Variants in ZNF800 observed in about 807,000 individuals in gnomAD.
ZNF800 encodes the protein zinc finger protein 800.
ZNF800 carries 13 observed loss-of-function variants against 59.5 expected under a neutral mutation model. The observed-to-expected ratio is 0.22, with a 90% CI of 0.14 to 0.35. The LOEUF (loss-of-function observed/expected upper bound fraction) is 0.35. Ranked by LOEUF, ZNF800 falls within the 10% of genes least tolerant of loss-of-function variation. The pLI is 1.00. For synonymous variants in ZNF800, 266 were observed against 265.7 expected (o/e 1.00, Z -0.01); for missense variants, 621 against 783.7 (o/e 0.79, Z 2.48).
rs17869381 is a variant in ZNF800 at position 127,375,620 on chromosome 7, T to C, written c.302-586A>G. Reference sequence around the variant, plus strand: ...CTAAACTCAGTCCTATTACATGTCTTCTTAACATGACACAATTTTACTAAA... The same window carrying C: ...CTAAACTCAGTCCTATTACATGTCTCCTTAACATGACACAATTTTACTAAA... On this transcript the variant is annotated intron_variant, in intron 4 of 5. Transcript: ENST00000265827. Among the ~76,000 whole-genome samples, 636 of 152,206 alleles carry C rather than the reference T, an allele frequency of 4.2e-3. 5 individuals are homozygous for C. The highest frequency in any genetic ancestry group is 0.015 in the African/African-American group (607 of 41,566).
intron 1 of ZNF800, among the ~76,000 whole-genome samples, chr7:127,354,058 T>C (rs1414482851): frequency 6.6e-6 from 1 of 152,180 alleles, no homozygotes; most frequent in Admixed American, 6.5e-5. Flanking sequence ...TGCTTCTCAC[T>C]GGCCTTGAGA....
At chr7:127,357,544 A>C (rs1227382962) in intron 1 of ZNF800, among the ~76,000 whole-genome samples, 1 of 152,064 alleles carries the variant, frequency 6.6e-6, no homozygotes, top group Non-Finnish European at 1.5e-5. Context: ...TGCCTAGATC[A>C]GAGGCATGGG....
rs755404184 is a variant in ZNF800 at position 127,374,120 on chromosome 7, T to C, written c.1216A>G (p.Ile406Val). The C allele has an allele frequency of 1.2e-6, 2 of 1,613,892 alleles. No individual in the cohort carries two copies. The highest frequency in any genetic ancestry group is 1.7e-6 in the Non-Finnish European group (2 of 1,179,962). ...GPNNTANSSE[I>V]KVKVEPADSV... ...TCTGCTGGTTCAACTTTAACTTTTA[T>C]TTCTGAACTGTTGGCAGTATTATTA... Residue 406 changes from isoleucine (I) to valine (V), a missense_variant, in exon 5 of 6, where the codon ATA (isoleucine) becomes GTA (valine). This residue lies in a region of ZNF800 where 185 missense variants were observed against 177.6 expected (regional missense o/e 1.04). Transcript: ENST00000265827.
downstream of ZNF800, among the ~76,000 whole-genome samples, chr7:127,345,684 G>A (rs1300445577): frequency 6.6e-6 from 1 of 152,234 alleles, no homozygotes; most frequent in Non-Finnish European, 1.5e-5. Context: ...GCAAGGCTAT[G>A]TGAGCCATGG....
At chr7:127,372,241 G>A (rs1460970210) in intron 5 of ZNF800, among the ~76,000 whole-genome samples, 2 of 152,082 alleles carry the variant, frequency 1.3e-5, no homozygotes, top group Non-Finnish European at 2.9e-5. Context: ...CACTTTGGGA[G>A]GCCGAGGTGG....
At chr7:127,362,911 T>G (rs184845528) in intron 1 of ZNF800, 1 of 152,110 alleles carries the variant, frequency 6.6e-6, no homozygotes, top group Non-Finnish European at 1.5e-5. Flanking sequence ...AAGAGACTAC[T>G]GCAATAGTGA....
chr7:127,366,981 G>A (rs1800521917), downstream of ZNF800, among the ~76,000 whole-genome samples: 1 of 152,156 alleles, frequency 6.6e-6, no homozygotes, highest in Admixed American at 6.6e-5. Flanking sequence ...GCAGAGGGTG[G>A]AACGAGGCAG....
chr7:127,366,367 CA>C (rs1800507318), downstream of ZNF800, among the ~76,000 whole-genome samples: 1 of 152,094 alleles, frequency 6.6e-6, no homozygotes, highest in African/African-American at 2.4e-5. Flanking sequence ...TCAAACTATG[CA>C]GCATAATTGT....
At chr7:127,354,670 T>C (rs1160246057) in intron 1 of ZNF800, among the ~76,000 whole-genome samples, 1 of 152,094 alleles carries the variant, frequency 6.6e-6, no homozygotes, top group Non-Finnish European at 1.5e-5. Context: ...CCTTTCACAG[T>C]ATACCTTTTT....
downstream of ZNF800, among the ~76,000 whole-genome samples, chr7:127,344,861 T>C (rs988414450): frequency 6.6e-6 from 1 of 151,970 alleles, no homozygotes; most frequent in Non-Finnish European, 1.5e-5. Context: ...GGAGTAAAAA[T>C]TCAAATCTGA....
chr7:127,379,870 C>CACAGAGAG lies in ZNF800; in HGVS notation c.158-2542_158-2541insCTCTCTGT, dbSNP rs1434431281. On this transcript the variant is annotated intron_variant, in intron 3 of 5. Coordinates refer to ENST00000265827, the MANE Select transcript of ZNF800 (RefSeq NM_176814.5). Reference sequence around the variant, plus strand: ...CCCCCCCACCCCCCCCACACACACACAGAGAGAGAGAGAGAGAGAGAGGGA... The same window carrying CACAGAGAG: ...CCCCCCCACCCCCCCCACACACACACACAGAGAGAGAGAGAGAGAGAGAGAGAGAGGGA... Among the ~76,000 whole-genome samples the CACAGAGAG allele has an allele frequency of 4.3e-4, 36 of 83,886 alleles. 1 individual carries two copies. The highest frequency in any genetic ancestry group is 2.1e-3 in the African/African-American group (36 of 16,838). The allele number at this position is 83,886 out of a possible 152,430, so 55.0% of individuals were successfully genotyped here. A position where few individuals can be genotyped will look rare whatever the true frequency, so the allele number is the denominator to read the frequency against.
At chr7:127,384,820 A>C (rs1480721324) in intron 3 of ZNF800, among the ~76,000 whole-genome samples, 1 of 152,292 alleles carries the variant, frequency 6.6e-6, no homozygotes, top group South Asian at 2.1e-4. Context: ...TCACAAGAAA[A>C]TTTGACCTAT....
chr7:127,345,711 T>C (rs1369153273), downstream of ZNF800, among the ~76,000 whole-genome samples: 1 of 152,152 alleles, frequency 6.6e-6, no homozygotes, highest in African/African-American at 2.4e-5. Context: ...GGTTTAGATT[T>C]TATCCTAAAA....
At position 127,392,330 on chromosome 7, in the gene ZNF800, G is replaced by A; in HGVS notation, c.-329C>T. 2 of 381,498 alleles carry A rather than the reference G, an allele frequency of 5.2e-6. No homozygotes were observed. Among genetic ancestry groups the A allele is most frequent in the Admixed American group, 4.5e-5 (1 of 22,122 alleles). The allele number at this position is 381,498 out of a possible 1,614,324, so 23.6% of individuals were successfully genotyped here. ...TCCTCCGCGCTGTGTGGCTAGGCGG[G>A]AGGCGCGCGGGCGGAGGCAGTTGAC... On this transcript the variant is annotated 5_prime_UTR_variant, in exon 1 of 6. Coordinates refer to ENST00000265827, the MANE Select transcript of ZNF800 (RefSeq NM_176814.5).
At chr7:127,384,058 T>C (rs1801055040) in intron 3 of ZNF800, among the ~76,000 whole-genome samples, 1 of 151,884 alleles carries the variant, frequency 6.6e-6, no homozygotes, top group African/African-American at 2.4e-5. Flanking sequence ...GATCACAACA[T>C]AATAAGAAAA....
In ZNF800 at chr7:127,377,413, C is replaced by T. The variant is rs1175524768; in HGVS notation, c.158-84G>A. 8.7e-6 allele frequency: 10 copies of T among 1,153,830 alleles called. No individual in the cohort carries two copies. In the Admixed American group the frequency reaches 2.5e-4, roughly 29 times the overall value. The allele number at this position is 1,153,830 out of a possible 1,614,324, so 71.5% of individuals were successfully genotyped here. A position where few individuals can be genotyped will look rare whatever the true frequency, so the allele number is the denominator to read the frequency against. Reference sequence around the variant, plus strand: ...AAACTGGACAACCACTGTTGACAGACCAAAAGTGCAGTTACTCTTTGAAAA... The same window carrying T: ...AAACTGGACAACCACTGTTGACAGATCAAAAGTGCAGTTACTCTTTGAAAA... On this transcript the variant is annotated intron_variant, in intron 3 of 5. Coordinates refer to ENST00000265827, the MANE Select transcript of ZNF800 (RefSeq NM_176814.5). This position sits in a 1 kb window ranked among gnomAD's most constrained non-coding sequence, Gnocchi z 4.7.
At chr7:127,347,262 A>C (rs774053030) in exon 2 of ZNF800, 1 of 152,280 alleles carries the variant, frequency 6.6e-6, no homozygotes, top group Non-Finnish European at 1.5e-5. Context: ...TTGGAGTTCA[A>C]GTTCAACCAC....
At chr7:127,391,444 G>A (rs1303883787) in intron 2 of ZNF800, 53 bp downstream of exon 2, 3 of 1,554,630 alleles carry the variant, frequency 1.9e-6, no homozygotes, top group Admixed American at 3.3e-5. Context: ...AAAAAGAGAA[G>A]GCAGAGTGGC....
At chr7:127,372,542 C>A (rs539181572) in intron 5 of ZNF800, 2 of 856,974 alleles carry the variant, frequency 2.3e-6, no homozygotes, top group Non-Finnish European at 2.8e-6. Flanking sequence ...ACTTTTCTTA[C>A]GACACACAAC....
Sources: gnomAD v4.1 joint callset for allele counts (sites outside exome capture counted in the v4.1 genomes callset) on GRCh38, gnomAD v4.1.1 for gene constraint, gnomAD v4.1.1 regional missense constraint, Gnocchi (gnomAD v3.1) non-coding constraint, MANE v1.5 for transcripts, NCBI Gene and HGNC (gene_info 2026-07-23, HGNC 2026-07-21) for gene names.